The following FAR2 variants were observed in gnomAD, a reference collection of about 807,000 sequenced individuals.
FAR2 encodes the protein epididymis secretory protein Li 81.
FAR2 carries 19 observed loss-of-function variants against 56.0 expected under a neutral mutation model. The ratio of observed to expected loss-of-function variants is 0.34; its 90% CI spans 0.24 to 0.50. The LOEUF (loss-of-function observed/expected upper bound fraction) is 0.50. Among genes scored for constraint, FAR2 ranks in the 20% least tolerant of loss-of-function variants. FAR2 has a pLI of 0.98. For synonymous variants in FAR2, 219 were observed against 218.8 expected (o/e 1.00, Z -0.01); for missense variants, 508 against 642.2 (o/e 0.79, Z 2.26).
chr12:29,219,165 A>G (rs1947656903), intron 1 of FAR2, among the ~76,000 whole-genome samples: 1 of 152,154 alleles, frequency 6.6e-6, no homozygotes, highest in Admixed American at 6.5e-5. Flanking sequence ...CTGGGATTAC[A>G]AGCATAAGCC....
At chr12:29,250,791 T>C (rs1162471417) in intron 1 of FAR2, among the ~76,000 whole-genome samples, 2 of 152,194 alleles carry the variant, frequency 1.3e-5, no homozygotes, top group African/African-American at 2.4e-5. Flanking sequence ...GGATTAATTT[T>C]GTGTAAACTT....
chr12:29,224,127 G>A (rs1474708045), intron 1 of FAR2, among the ~76,000 whole-genome samples: 2 of 152,282 alleles, frequency 1.3e-5, no homozygotes, highest in East Asian at 3.9e-4. Context: ...TAAGTACTTG[G>A]TTCACCTTGT....
chr12:29,197,273 G>A (rs1327696015), intron 1 of FAR2, among the ~76,000 whole-genome samples: 1 of 152,190 alleles, frequency 6.6e-6, no homozygotes, highest in Non-Finnish European at 1.5e-5. Context: ...GAGTTTCCAA[G>A]AGAATCTGTC....
At chr12:29,285,341 T>C (rs926161670) in intron 2 of FAR2, among the ~76,000 whole-genome samples, 3 of 152,214 alleles carry the variant, frequency 2.0e-5, no homozygotes. Context: ...ATTGGAAATA[T>C]TTGCATTTAA....
intron 8 of FAR2, among the ~76,000 whole-genome samples, chr12:29,313,272 A>G (rs1014740986): frequency 3.9e-5 from 6 of 152,158 alleles, no homozygotes; most frequent in Non-Finnish European, 8.8e-5. Context: ...CAACCTGTGC[A>G]TAACTTTTGG....
At chr12:29,175,529 C>T (rs1485628943) in intron 1 of FAR2, among the ~76,000 whole-genome samples, 7 of 152,196 alleles carry the variant, frequency 4.6e-5, no homozygotes, top group African/African-American at 7.2e-5. Context: ...GGGACCTGAG[C>T]GTGTTGCAGT....
intron 3 of FAR2, among the ~76,000 whole-genome samples, chr12:29,295,305 C>T (rs961492886): frequency 1.2e-4 from 19 of 152,158 alleles, no homozygotes; most frequent in Non-Finnish European, 1.2e-4. Flanking sequence ...AACTCCTGAC[C>T]TCAGGTGATC....
chr12:29,166,691 C>T (rs145858634), intron 1 of FAR2, among the ~76,000 whole-genome samples: 5 of 152,300 alleles, frequency 3.3e-5, no homozygotes, highest in East Asian at 1.9e-4. Flanking sequence ...CTAAAGCACC[C>T]GATTTTTAGA....
At chr12:29,218,481 G>A (rs759155909) in intron 1 of FAR2, among the ~76,000 whole-genome samples, 2 of 152,016 alleles carry the variant, frequency 1.3e-5, no homozygotes, top group Admixed American at 6.6e-5. Flanking sequence ...AGGAATGAAA[G>A]CTAAAACTGA....
intron 1 of FAR2, among the ~76,000 whole-genome samples, chr12:29,187,454 C>A (rs902920656): frequency 6.6e-6 from 1 of 151,794 alleles, no homozygotes; most frequent in Non-Finnish European, 1.5e-5. Context: ...AGATACAAAC[C>A]TTTTAATTTT....
In FAR2 at chr12:29,172,893, G is replaced by A. The variant is rs1010447873; in HGVS notation, c.-39+23486G>A. On this transcript the variant is annotated intron_variant, in intron 1 of 11. Transcript: ENST00000536681. ...TTTTTGACTCCAGTCCCCATGATCT[G>A]AGTTGAGGTCCCAGTGGGGCTCCAT... Among the ~76,000 whole-genome samples, 3 of 152,158 alleles carry A rather than the reference G, an allele frequency of 2.0e-5. No homozygotes were observed. In the East Asian group the frequency reaches 5.8e-4, roughly 29 times the overall value.
Position 29,334,061 on chromosome 12 carries a change from G to T in FAR2, c.*267G>T, listed in dbSNP as rs1204855261. 3.6e-6 allele frequency: 1 copy of T among 281,182 alleles called. No individual in the cohort carries two copies. The highest frequency in any genetic ancestry group is 6.6e-6 in the Non-Finnish European group (1 of 151,612). 17.4% of individuals were successfully genotyped at this position (281,182 alleles called of 1,614,324 possible). A position where few individuals can be genotyped will look rare whatever the true frequency, so the allele number is the denominator to read the frequency against. ...TTTTATGCCCTTGCGTATTAAACGT[G>T]AAAGTACTCCCACTTTTCTATATTT... On this transcript the variant is annotated 3_prime_UTR_variant, in exon 12 of 12. Coordinates refer to ENST00000536681, the MANE Select transcript of FAR2 (RefSeq NM_001271783.2).
chr12:29,231,628 T>G (rs1399779819), intron 1 of FAR2, among the ~76,000 whole-genome samples: 1 of 152,142 alleles, frequency 6.6e-6, no homozygotes, highest in African/African-American at 2.4e-5. Flanking sequence ...GAAAGGATAG[T>G]TAATCATGTA....
intron 1 of FAR2, among the ~76,000 whole-genome samples, chr12:29,227,382 C>G (rs980834565): frequency 2.6e-5 from 4 of 152,186 alleles, no homozygotes; most frequent in African/African-American, 9.7e-5. Context: ...ATCCCCTATT[C>G]CTGATTCAAT....
intron 3 of FAR2, among the ~76,000 whole-genome samples, chr12:29,296,436 G>A (rs1202148048): frequency 6.6e-6 from 1 of 152,156 alleles, no homozygotes; most frequent in Non-Finnish European, 1.5e-5. Flanking sequence ...TCTCATTTGA[G>A]TTAAATTAAA....
intron 1 of FAR2, among the ~76,000 whole-genome samples, chr12:29,182,674 G>A (rs1403930349): frequency 2.0e-5 from 3 of 152,196 alleles, no homozygotes; most frequent in Admixed American, 2.0e-4. Flanking sequence ...GTGCCTGGAA[G>A]GGGTCATATC....
chr12:29,160,989 G>A (rs114086018), intron 1 of FAR2, among the ~76,000 whole-genome samples: 118 of 152,114 alleles, frequency 7.8e-4, no homozygotes, highest in African/African-American at 2.8e-3. Context: ...TTATCACAAT[G>A]GAAAATGAGA....
chr12:29,191,042 G>A (rs761474905), intron 1 of FAR2, among the ~76,000 whole-genome samples: 1 of 152,148 alleles, frequency 6.6e-6, no homozygotes, highest in Non-Finnish European at 1.5e-5. Context: ...CTGGGTCTGT[G>A]AACAGCTTTC....
At chr12:29,325,138 CAA>C (rs1245154036) in intron 10 of FAR2, among the ~76,000 whole-genome samples, 1 of 151,792 alleles carries the variant, frequency 6.6e-6, no homozygotes, top group African/African-American at 2.4e-5. Context: ...CAACAAAGAT[CAA>C]AAGAGACAAA....
Sources: gnomAD v4.1 joint callset for allele counts (sites outside exome capture counted in the v4.1 genomes callset) on GRCh38, gnomAD v4.1.1 for gene constraint, MANE v1.5 for transcripts, NCBI Gene and HGNC (gene_info 2026-07-23, HGNC 2026-07-21) for gene names.